The following ASH1L variants were observed in gnomAD, a reference collection of about 807,000 sequenced individuals.
ASH1L encodes the protein histone-lysine N-methyltransferase ASH1L.
A neutral mutation model predicts 269.0 loss-of-function variants in ASH1L; 23 were observed. The observed-to-expected ratio is 0.09, with a 90% CI of 0.06 to 0.12. ASH1L has a LOEUF of 0.12. Among genes scored for constraint, ASH1L ranks in the 10% least tolerant of loss-of-function variants. The probability of loss-of-function intolerance (pLI) is 1.00; values close to 1 mark genes in which losing one functional copy is unlikely to be tolerated. For missense variants in ASH1L, 2,912 were observed against 3,567.8 expected (o/e 0.82, Z 4.68); for synonymous variants, 1,187 against 1,253.5 (o/e 0.95, Z 1.12).
chr1:155,519,628 T>C (rs1329656067), intron 2 of ASH1L, among the ~76,000 whole-genome samples: 1 of 152,090 alleles, frequency 6.6e-6, no homozygotes, highest in African/African-American at 2.4e-5. Flanking sequence ...TTAGCTAGGA[T>C]AGGCAAATTT....
intron 2 of ASH1L, among the ~76,000 whole-genome samples, chr1:155,509,199 G>T (rs1668003889): frequency 6.6e-6 from 1 of 152,084 alleles, no homozygotes; most frequent in African/African-American, 2.4e-5. Flanking sequence ...TATCATGGTG[G>T]CCGGGTGCCA....
intron 3 of ASH1L, among the ~76,000 whole-genome samples, chr1:155,474,406 A>G (rs1388015230): frequency 1.3e-5 from 2 of 152,152 alleles, no homozygotes; most frequent in African/African-American, 2.4e-5. Context: ...AACTGTATGT[A>G]TTAAAAAGTG....
chr1:155,550,271 G>T lies in ASH1L; in HGVS notation c.-100+11882C>A, dbSNP rs547190479. 2.6e-5 allele frequency among the ~76,000 whole-genome samples: 4 copies of T among 152,210 alleles called. No homozygotes were observed. In the South Asian group the frequency reaches 8.3e-4, roughly 32 times the overall value. On this transcript the variant is annotated intron_variant, in intron 1 of 27. Transcript: ENST00000392403. ...CTGACCTCGTGATCCACCCATCTCG[G>T]CCTCCCAAAGTGCTGGGATTAGAGG...
intron 1 of ASH1L, among the ~76,000 whole-genome samples, chr1:155,551,034 C>T (rs754751729): frequency 6.6e-6 from 1 of 152,072 alleles, no homozygotes; most frequent in Non-Finnish European, 1.5e-5. Flanking sequence ...GTTGCCCAGG[C>T]GGTCTGGAAC....
chr1:155,494,866 G>A (rs1667045224), intron 2 of ASH1L, among the ~76,000 whole-genome samples: 1 of 152,072 alleles, frequency 6.6e-6, no homozygotes, highest in Non-Finnish European at 1.5e-5. Flanking sequence ...ACTAAGGACT[G>A]ATAACACCAA....
chr1:155,397,599 T>C (rs1658475164), intron 6 of ASH1L, among the ~76,000 whole-genome samples: 1 of 152,184 alleles, frequency 6.6e-6, no homozygotes, highest in African/African-American at 2.4e-5. Context: ...TTGCCCAGGC[T>C]GGAGTGCAGT....
At chr1:155,514,834 C>T (rs1432332792) in intron 2 of ASH1L, among the ~76,000 whole-genome samples, 2 of 152,034 alleles carry the variant, frequency 1.3e-5, no homozygotes, top group Non-Finnish European at 2.9e-5. Flanking sequence ...TTTAACTACA[C>T]GAGAAGTTGC....
intron 3 of ASH1L, among the ~76,000 whole-genome samples, chr1:155,470,463 CA>C (rs1182894729): frequency 4.1e-5 from 6 of 145,342 alleles, no homozygotes; most frequent in Non-Finnish European, 6.0e-5. Context: ...TCTCAAAAAA[CA>C]AAAAACAAAA....
chr1:155,457,309 A>G (rs555048231), intron 4 of ASH1L, among the ~76,000 whole-genome samples: 26 of 152,210 alleles, frequency 1.7e-4, no homozygotes, highest in Non-Finnish European at 3.2e-4. Flanking sequence ...TGAAAAAAAC[A>G]TACCATATAT....
At chr1:155,352,508 AAAAAG>A (rs982599048) in intron 17 of ASH1L, among the ~76,000 whole-genome samples, 193 bp downstream of exon 17, 1 of 151,884 alleles carries the variant, frequency 6.6e-6, no homozygotes, top group Non-Finnish European at 1.5e-5. Flanking sequence ...AAAAGAAATG[AAAAAG>A]AAAAGAAATG....
chr1:155,401,609 A>G (rs1658855442), intron 6 of ASH1L, among the ~76,000 whole-genome samples: 1 of 151,474 alleles, frequency 6.6e-6, no homozygotes, highest in Non-Finnish European at 1.5e-5. Context: ...GAACATGGTG[A>G]TATCTTGTCT....
chr1:155,472,124 C>G (rs915512112), intron 3 of ASH1L, among the ~76,000 whole-genome samples: 1 of 152,072 alleles, frequency 6.6e-6, no homozygotes, highest in Non-Finnish European at 1.5e-5. Flanking sequence ...AACCCCGACT[C>G]TACAAAAAAT....
chr1:155,422,951 CT>C (rs71080703), intron 5 of ASH1L, among the ~76,000 whole-genome samples: 146 of 122,176 alleles, frequency 1.2e-3, no homozygotes, highest in East Asian at 1.2e-3. Context: ...GCTGGCCTTT[CT>C]TTTTTTTTTT....
intron 15 of ASH1L, among the ~76,000 whole-genome samples, chr1:155,355,915 GTT>G (rs113937426): frequency 1.4e-4 from 16 of 116,094 alleles, no homozygotes; most frequent in Non-Finnish European, 9.4e-5. Context: ...CAGGTATTCT[GTT>G]TTTTTTTTTT....
At chr1:155,349,204 C>A (rs1653657340) in intron 19 of ASH1L, 123 bp downstream of exon 19, 1 of 1,088,550 alleles carries the variant, frequency 9.2e-7, no homozygotes, top group Non-Finnish European at 1.3e-6. Flanking sequence ...CAAGGATACT[C>A]AAAAATGACT....
rs533012846 is a variant in ASH1L, at chr1:155,496,622, T to C, written c.421-14173A>G. On this transcript the variant is annotated intron_variant, in intron 2 of 27. Transcript: ENST00000392403. ...AATCCTCACGTATACACGAGTCTAC[T>C]ACTAGTTTTTCTTTTCTTCTTCCTT... 2.0e-5 allele frequency among the ~76,000 whole-genome samples: 3 copies of C among 152,222 alleles called. No homozygotes were observed. In the South Asian group the frequency reaches 6.2e-4, roughly 32 times the overall value.
At chr1:155,542,434 A>C (rs1360997542) in intron 1 of ASH1L, among the ~76,000 whole-genome samples, 1 of 151,878 alleles carries the variant, frequency 6.6e-6, no homozygotes. Flanking sequence ...CTGTAGTCCC[A>C]GCTACTTGGA....
At chr1:155,448,630 G>A (rs1241573892) in intron 4 of ASH1L, among the ~76,000 whole-genome samples, 2 of 152,146 alleles carry the variant, frequency 1.3e-5, no homozygotes, top group African/African-American at 4.8e-5. Flanking sequence ...AAGTAGCTGG[G>A]ATTACAGGTG....
chr1:155,409,648 T>A (rs1659599584), intron 6 of ASH1L, among the ~76,000 whole-genome samples: 1 of 152,180 alleles, frequency 6.6e-6, no homozygotes. Flanking sequence ...TTTATTTTTG[T>A]AGAGACTGGA....
Sources: allele counts gnomAD v4.1 joint callset (sites outside exome capture counted in the v4.1 genomes callset), GRCh38; gene constraint gnomAD v4.1.1; transcripts MANE v1.5; gene names NCBI Gene and HGNC (gene_info 2026-07-23, HGNC 2026-07-21).